PBXIP1: variants seen among roughly 807,000 people sequenced by gnomAD.
The protein encoded by PBXIP1 is PBX homeobox interacting protein 1, also known as pre-B-cell leukemia transcription factor-interacting protein 1.
In PBXIP1, 73 loss-of-function variants were observed where a neutral mutation model predicts 73.7. That is an observed-to-expected ratio of 0.99 (90% CI 0.82 to 1.20). PBXIP1 has a LOEUF of 1.20. Among genes scored for constraint, PBXIP1 ranks in the 50% most tolerant of loss-of-function variants. PBXIP1 has a pLI of 0.00. For missense variants in PBXIP1, 818 were observed against 911.4 expected, an observed-to-expected ratio of 0.90 and a Z score of 1.32; for synonymous variants, 330 against 366.9, an observed-to-expected ratio of 0.90 and a Z score of 1.15.
Position 154,945,603 on chromosome 1 carries a change from G to T in PBXIP1, c.2071C>A (p.His691Asn), listed in dbSNP as rs202217654. ...VDDFEDFIFS[H>N]FFGDKALKKR... ...TTCAGTGCTTTGTCTCCAAAGAAGT[G>T]GCTGAAGATGAAGTCCTCAAAGTCA... The change falls in exon 10 of 11, where the codon CAC (histidine) becomes AAC (asparagine). Residue 691 changes from histidine to asparagine, a missense_variant. His to Asn is a moderately conservative substitution (Grantham distance 68). Transcript: ENST00000368463. 2 of 1,613,772 alleles carry T rather than the reference G, an allele frequency of 1.2e-6. No homozygotes were observed.
At chr1:154,946,921 GC>G (rs1198017576) in intron 9 of PBXIP1, 118 bp from the exon 10 acceptor site, 1 of 943,604 alleles carries the variant, frequency 1.1e-6, no homozygotes, top group Non-Finnish European at 1.6e-6. Context: ...CCGTTTTACA[GC>G]CTGGAACACC....
chr1:154,944,924 G>T lies in PBXIP1; in HGVS notation c.*100C>A. ...CTCTACTGTGTGAAAGATATCTGAGGACACCAAACAAGCCAGGACAGAGTC... is the reference window on the plus strand; with the variant it reads ...CTCTACTGTGTGAAAGATATCTGAGTACACCAAACAAGCCAGGACAGAGTC... On this transcript the variant is annotated 3_prime_UTR_variant, in exon 11 of 11. Coordinates refer to ENST00000368463, the MANE Select transcript of PBXIP1 (RefSeq NM_020524.4). The T allele has an allele frequency of 1.1e-6, 1 of 919,066 alleles. No individual in the cohort carries two copies. The highest frequency in any genetic ancestry group is 1.7e-6 in the Non-Finnish European group (1 of 574,804). The allele number at this position is 919,066 out of a possible 1,614,324, so 56.9% of individuals were successfully genotyped here. A position where few individuals can be genotyped will look rare whatever the true frequency, so the allele number is the denominator to read the frequency against.
Position 154,951,904 on chromosome 1 carries a change from T to C in PBXIP1, c.69A>G (p.Thr23=). The change falls in exon 3 of 11, where the codon ACA becomes ACG. Residue 23 remains threonine, a synonymous_variant. Transcript: ENST00000368463. The surrounding 1 kb of genome is among the most constrained non-coding windows in gnomAD (Gnocchi z 4.3). The stretch of plus-strand genomic sequence containing the variant: ...GGTCCATCCTGGATGCCGGGCCCAG[T>C]GTCTCCACTGGCAGGCTCTGGGAGG... The part of the protein sequence containing the change: ...LAGSESLPVE[T]LGPASRMDPE... The C allele has an allele frequency of 1.9e-6, 3 of 1,610,780 alleles. No individual in the cohort carries two copies. The highest frequency in any genetic ancestry group is 2.2e-5 in the East Asian group (1 of 44,830).
rs1046142682 is a variant in PBXIP1 at position 154,945,704 on chromosome 1, C to T, written c.1970G>A (p.Arg657Gln). 17 of 1,614,114 alleles carry T rather than the reference C, an allele frequency of 1.1e-5. No individual in the cohort carries two copies. The highest frequency in any genetic ancestry group is 3.3e-4 in the Middle Eastern group (2 of 6,084). ...GIFRHDRLRFRDFVDALEDSL... is the reference protein window; with the variant it reads ...GIFRHDRLRFQDFVDALEDSL... ...GTCCTCCAGGGCATCCACAAAATCC[C>T]GGAAGCGGAGGCGGTCATGACGGAA... The change falls in exon 10 of 11, where the codon CGG (arginine) becomes CAG (glutamine). Residue 657 changes from arginine to glutamine, a missense_variant. Physicochemically the swap from Arg to Gln is conservative, Grantham distance 43. Coordinates refer to ENST00000368463, the MANE Select transcript of PBXIP1 (RefSeq NM_020524.4).
chr1:154,947,783 C>T lies in PBXIP1; in HGVS notation c.668-71G>A, dbSNP rs187306952. 5.3e-4 allele frequency: 802 copies of T among 1,512,308 alleles called. 5 individuals carry two copies. In the East Asian group the frequency reaches 0.016, roughly 30 times the overall value. The allele number at this position is 1,512,308 out of a possible 1,614,324, so 93.7% of individuals were successfully genotyped here. A position where few individuals can be genotyped will look rare whatever the true frequency, so the allele number is the denominator to read the frequency against. On this transcript the variant is annotated intron_variant, in intron 7 of 10. Coordinates refer to ENST00000368463, the MANE Select transcript of PBXIP1 (RefSeq NM_020524.4). ...CCCATTCTCCCCACACCTTCCCATT[C>T]ACACAGCCACCACTCCTGCTCAGGA... is the stretch of plus-strand genomic sequence containing the variant.
chr1:154,950,797 C>T (rs1322901042), intron 5 of PBXIP1, among the ~76,000 whole-genome samples: 2 of 152,276 alleles, frequency 1.3e-5, no homozygotes, highest in African/African-American at 2.4e-5. Context: ...ACTGAATGGC[C>T]TCTCCTTCCT....
intron 1 of PBXIP1, among the ~76,000 whole-genome samples, chr1:154,954,784 C>T (rs1655124287): frequency 6.6e-6 from 1 of 152,168 alleles, no homozygotes; most frequent in Non-Finnish European, 1.5e-5. Flanking sequence ...AAACAGTTCC[C>T]TCAGGCAGCT....
Position 154,944,441 on chromosome 1 carries a change from T to C in PBXIP1, c.*583A>G, listed in dbSNP as rs1654728723. On this transcript the variant is annotated 3_prime_UTR_variant, in exon 11 of 11. Transcript: ENST00000368463. Reference sequence around the variant, plus strand: ...TGTGCTTAGAAACCACCTAGCATCATAGCTGCAACAGCACTTTATTGGGAT... The same window carrying C: ...TGTGCTTAGAAACCACCTAGCATCACAGCTGCAACAGCACTTTATTGGGAT... 1 of 151,994 alleles carries C rather than the reference T, an allele frequency of 6.6e-6. No homozygotes were observed. Among genetic ancestry groups the C allele is most frequent in the South Asian group, 2.1e-4 (1 of 4,846 alleles). The allele number at this position is 151,994 out of a possible 1,614,324, so 9.4% of individuals were successfully genotyped here.
At chr1:154,954,937 A>G (rs1655131452) in intron 1 of PBXIP1, 2 of 980,478 alleles carry the variant, frequency 2.0e-6, no homozygotes, top group South Asian at 4.7e-5. Context: ...TGAGGCTGGG[A>G]GAGTATGGCA....
intron 2 of PBXIP1, among the ~76,000 whole-genome samples, chr1:154,952,273 G>A (rs1356454636): frequency 6.6e-6 from 1 of 152,192 alleles, no homozygotes; most frequent in Non-Finnish European, 1.5e-5. Flanking sequence ...AAGAAGGCAA[G>A]AGAACAAAGT....
chr1:154,944,760 C>T lies in PBXIP1; in HGVS notation c.*264G>A. 1 of 436,942 alleles carries T rather than the reference C, an allele frequency of 2.3e-6. No homozygotes were observed. 27.1% of individuals were successfully genotyped at this position (436,942 alleles called of 1,614,324 possible). A position where few individuals can be genotyped will look rare whatever the true frequency, so the allele number is the denominator to read the frequency against. ...ACCCCAAAACAGGCTCCTCTCCCAT[C>T]TCCCCCTTCACAGTGACAAAACACA... On this transcript the variant is annotated 3_prime_UTR_variant, in exon 11 of 11. Transcript: ENST00000368463.
At chr1:154,949,803 T>C (rs1314662281) in intron 5 of PBXIP1, among the ~76,000 whole-genome samples, 1 of 151,782 alleles carries the variant, frequency 6.6e-6, no homozygotes, top group African/African-American at 2.4e-5. Flanking sequence ...GAAGACGCCC[T>C]GACTATAGTG....
chr1:154,944,798 A>G lies in PBXIP1; in HGVS notation c.*226T>C, dbSNP rs1654744864. 3 of 499,244 alleles carry G rather than the reference A, an allele frequency of 6.0e-6. No homozygotes were observed. Among genetic ancestry groups the G allele is most frequent in the Middle Eastern group, 1.1e-3 (2 of 1,870 alleles). The allele number at this position is 499,244 out of a possible 1,614,324, so 30.9% of individuals were successfully genotyped here. A position where few individuals can be genotyped will look rare whatever the true frequency, so the allele number is the denominator to read the frequency against. ...GTGACAAAACACAAGCCCACATCCC[A>G]GGGCCTGGAGTATTTGCATGCATTT... On this transcript the variant is annotated 3_prime_UTR_variant, in exon 11 of 11. Transcript: ENST00000368463.
rs1029947989 is a variant in PBXIP1, at chr1:154,951,028, C to A, written c.409+204G>T. 6.6e-6 allele frequency among the ~76,000 whole-genome samples: 1 copy of A among 152,232 alleles called. No homozygotes were observed. The highest frequency in any genetic ancestry group is 1.5e-5 in the Non-Finnish European group (1 of 68,050). The stretch of plus-strand genomic sequence containing the variant: ...AGGAAAGAGTCAACCAGATGTGGGC[C>A]CTGCCCCTTACCAGCAGTGTGACCT... On this transcript the variant is annotated intron_variant, in intron 5 of 10. Coordinates refer to ENST00000368463, the MANE Select transcript of PBXIP1 (RefSeq NM_020524.4). The surrounding 1 kb of genome is among the most constrained non-coding windows in gnomAD (Gnocchi z 4.3).
Position 154,951,657 on chromosome 1 carries a change from G to A in PBXIP1, c.179-122C>T, listed in dbSNP as rs1655008416. 1.4e-6 allele frequency: 2 copies of A among 1,404,648 alleles called. No individual in the cohort carries two copies. Among genetic ancestry groups the A allele is most frequent in the Admixed American group, 1.8e-5 (1 of 54,930 alleles). 87.0% of individuals were successfully genotyped at this position (1,404,648 alleles called of 1,614,324 possible). A position where few individuals can be genotyped will look rare whatever the true frequency, so the allele number is the denominator to read the frequency against. The stretch of plus-strand genomic sequence containing the variant: ...AGGCAGGAAAAAGCCAGGATGGAAT[G>A]AGAAAAGGAGTTTGTCAACTGAGAT... On this transcript the variant is annotated intron_variant, in intron 3 of 10. Transcript: ENST00000368463. The surrounding 1 kb of genome is among the most constrained non-coding windows in gnomAD (Gnocchi z 4.3).
intron 5 of PBXIP1, among the ~76,000 whole-genome samples, chr1:154,950,811 G>A (rs550768782): frequency 1.3e-5 from 2 of 152,318 alleles, no homozygotes; most frequent in East Asian, 3.9e-4. Context: ...CCTTCCTTTG[G>A]GAGTACCTTA....
At chr1:154,952,396 C>T (rs924956090) in intron 2 of PBXIP1, among the ~76,000 whole-genome samples, 1 of 152,086 alleles carries the variant, frequency 6.6e-6, no homozygotes, top group African/African-American at 2.4e-5. Context: ...CCCGCTGGCC[C>T]CTGACACTCC....
chr1:154,954,456 A>G (rs953767112), intron 1 of PBXIP1, among the ~76,000 whole-genome samples: 1 of 152,216 alleles, frequency 6.6e-6, no homozygotes, highest in Admixed American at 6.5e-5. Flanking sequence ...GCTTAGATCC[A>G]CCTGGATGCA....
intron 2 of PBXIP1, among the ~76,000 whole-genome samples, chr1:154,952,896 G>C (rs1326772119): frequency 2.6e-5 from 4 of 152,022 alleles, no homozygotes; most frequent in Non-Finnish European, 5.9e-5. Flanking sequence ...GTTCCTCAAG[G>C]GCACCTCAAA....
Sources: gnomAD v4.1 joint callset for allele counts (sites outside exome capture counted in the v4.1 genomes callset) on GRCh38, gnomAD v4.1.1 for gene constraint, Gnocchi (gnomAD v3.1) non-coding constraint, MANE v1.5 for transcripts, NCBI Gene and HGNC (gene_info 2026-07-23, HGNC 2026-07-21) for gene names.